The following LYPD6B variants were observed in gnomAD, a reference collection of about 807,000 sequenced individuals.
The protein encoded by LYPD6B is LY6/PLAUR domain containing 6B, also known as ly6/PLAUR domain-containing protein 6B.
In LYPD6B, 17 loss-of-function variants were observed where a neutral mutation model predicts 22.8. That is an observed-to-expected ratio of 0.75 (90% CI 0.51 to 1.12). The LOEUF (loss-of-function observed/expected upper bound fraction) is 1.12, where lower values mean the gene tolerates loss of function less well. LYPD6B is among the 50% of genes most tolerant of loss of function. The pLI is 0.00. For missense variants in LYPD6B, 221 were observed against 258.3 expected (o/e 0.86, Z 0.99); for synonymous variants, 106 against 91.6 (o/e 1.16, Z -0.90).
intron 2 of LYPD6B, among the ~76,000 whole-genome samples, chr2:149,147,631 A>G (rs561902452): frequency 1.3e-5 from 2 of 152,238 alleles, no homozygotes; most frequent in East Asian, 1.9e-4. Context: ...CTCCCCCTGC[A>G]GCCTCTGGAG....
chr2:149,156,426 T>C (rs1689705856), intron 2 of LYPD6B, among the ~76,000 whole-genome samples: 1 of 152,114 alleles, frequency 6.6e-6, no homozygotes, highest in Non-Finnish European at 1.5e-5. Flanking sequence ...AGGGGAGGTG[T>C]CTTAGCTCAG....
chr2:149,043,871 A>G (rs1037229200), intron 1 of LYPD6B, among the ~76,000 whole-genome samples: 18 of 152,102 alleles, frequency 1.2e-4, no homozygotes, highest in Non-Finnish European at 2.1e-4. Flanking sequence ...TTCCAGCACC[A>G]TTTGTTGAAA....
At chr2:149,058,911 C>T (rs752930234) in intron 1 of LYPD6B, among the ~76,000 whole-genome samples, 8 of 152,238 alleles carry the variant, frequency 5.3e-5, no homozygotes, top group East Asian at 1.9e-4. Flanking sequence ...TGAGCCACAG[C>T]GCCCAGCCAG....
chr2:149,100,359 G>T (rs2105482589), intron 1 of LYPD6B, among the ~76,000 whole-genome samples: 2 of 134,618 alleles, frequency 1.5e-5, no homozygotes, highest in African/African-American at 5.6e-5. Flanking sequence ...GTATTCAAAA[G>T]CAGCCCCTTT....
chr2:149,179,892 G>A (rs1240731524), intron 3 of LYPD6B, among the ~76,000 whole-genome samples: 3 of 152,160 alleles, frequency 2.0e-5, no homozygotes, highest in South Asian at 2.1e-4. Context: ...GTAGGAAATC[G>A]TTCAACCTAA....
intron 3 of LYPD6B, among the ~76,000 whole-genome samples, chr2:149,172,194 T>G (rs1348806970): frequency 6.6e-6 from 1 of 152,178 alleles, no homozygotes; most frequent in Non-Finnish European, 1.5e-5. Flanking sequence ...GAGAAGCCCC[T>G]TATAAACTTA....
chr2:149,087,206 A>G (rs1300071155), intron 1 of LYPD6B, among the ~76,000 whole-genome samples: 1 of 152,190 alleles, frequency 6.6e-6, no homozygotes, highest in Non-Finnish European at 1.5e-5. Flanking sequence ...CAAGTTTCCT[A>G]AACAGTGCTC....
At chr2:149,187,413 T>C in intron 3 of LYPD6B, 1 of 1,520,856 alleles carries the variant, frequency 6.6e-7, no homozygotes, top group Non-Finnish European at 8.8e-7. Flanking sequence ...GTTATAAGAT[T>C]ATTATTTTCT....
At chr2:149,080,972 G>T (rs551244139) in intron 1 of LYPD6B, among the ~76,000 whole-genome samples, 2 of 150,760 alleles carry the variant, frequency 1.3e-5, no homozygotes, top group East Asian at 4.0e-4. Context: ...TAACTTATAT[G>T]AAGTCAGTTT....
chr2:149,079,786 GA>G (rs1274505281), intron 1 of LYPD6B, among the ~76,000 whole-genome samples: 8 of 152,248 alleles, frequency 5.3e-5, no homozygotes, highest in Non-Finnish European at 8.8e-5. Flanking sequence ...TTAGCCCCCA[GA>G]GTTCCCTTTA....
chr2:149,042,606 G>C (rs1431111127), intron 1 of LYPD6B, among the ~76,000 whole-genome samples: 1 of 152,194 alleles, frequency 6.6e-6, no homozygotes, highest in African/African-American at 2.4e-5. Context: ...TATTTATTGA[G>C]CATCTACTGT....
chr2:149,097,141 C>A (rs921320624), intron 1 of LYPD6B, among the ~76,000 whole-genome samples: 1 of 152,238 alleles, frequency 6.6e-6, no homozygotes, highest in Non-Finnish European at 1.5e-5. Context: ...GCACGCTGCT[C>A]CCATGGCACC....
At chr2:149,170,900 T>G (rs1690771326) in intron 3 of LYPD6B, among the ~76,000 whole-genome samples, 1 of 152,196 alleles carries the variant, frequency 6.6e-6, no homozygotes, top group African/African-American at 2.4e-5. Flanking sequence ...CCCAGGCCCT[T>G]TAGACTTTAT....
At chr2:149,197,345 CT>C (rs1559071807) in intron 3 of LYPD6B, among the ~76,000 whole-genome samples, 1 of 152,152 alleles carries the variant, frequency 6.6e-6, no homozygotes, top group Non-Finnish European at 1.5e-5. Context: ...AACCCCGTCT[CT>C]ACTAAAAATA....
intron 3 of LYPD6B, among the ~76,000 whole-genome samples, chr2:149,173,265 T>G (rs1268774547): frequency 6.6e-6 from 1 of 151,650 alleles, no homozygotes; most frequent in Admixed American, 6.6e-5. Context: ...TTGGTTATTC[T>G]TTGCCCGTTC....
chr2:149,040,165 G>A (rs1683008463), intron 1 of LYPD6B, among the ~76,000 whole-genome samples: 1 of 151,926 alleles, frequency 6.6e-6, no homozygotes, highest in African/African-American at 2.4e-5. Context: ...GGGAGAGAGA[G>A]AATCCCATCT....
intron 2 of LYPD6B, chr2:149,153,919 A>G (rs773628112): frequency 5.8e-6 from 1 of 172,616 alleles, no homozygotes; most frequent in South Asian, 1.9e-4. Context: ...CTTGTCCTTC[A>G]TTACTGTGGA....
At chr2:149,195,999 T>A (rs749523846) in intron 3 of LYPD6B, among the ~76,000 whole-genome samples, 9 of 152,206 alleles carry the variant, frequency 5.9e-5, no homozygotes, top group African/African-American at 1.2e-4. Context: ...CTAGGCAGCA[T>A]TTACACTTGA....
rs550903589 is a variant in LYPD6B, at chr2:149,189,946, A to T, written c.78-15307A>T. The stretch of plus-strand genomic sequence containing the variant: ...GAGAGAACTATTGAGCTTTAACCAT[A>T]AACTATAGAGCCAATTGAATTGTTT... On this transcript the variant is annotated intron_variant, in intron 3 of 6. Coordinates refer to ENST00000409642, the MANE Select transcript of LYPD6B (RefSeq NM_177964.5). Among the ~76,000 whole-genome samples the T allele has an allele frequency of 7.2e-5, 11 of 152,326 alleles. No individual in the cohort carries two copies. In the South Asian group the frequency reaches 2.1e-3, roughly 29 times the overall value.
Sources: allele counts gnomAD v4.1 joint callset (sites outside exome capture counted in the v4.1 genomes callset), GRCh38; gene constraint gnomAD v4.1.1; transcripts MANE v1.5; gene names NCBI Gene and HGNC (gene_info 2026-07-23, HGNC 2026-07-21).